The following TLN2 variants were observed in gnomAD, a reference collection of about 807,000 sequenced individuals.
The protein encoded by TLN2 is talin-2.
In TLN2, 118 loss-of-function variants were observed where a neutral mutation model predicts 294.7. That is an observed-to-expected ratio of 0.40 (90% CI 0.34 to 0.47). The LOEUF is 0.47. Ranked by LOEUF, TLN2 falls within the 20% of genes least tolerant of loss-of-function variation. The pLI is 0.84. For missense variants in TLN2, 3,083 were observed against 3,282.2 expected (o/e 0.94, Z 1.48); for synonymous variants, 1,431 against 1,304.5 (o/e 1.10, Z -2.09).
At chr15:62,406,652 TC>T (rs2033426681) in intron 1 of TLN2, among the ~76,000 whole-genome samples, 1 of 152,168 alleles carries the variant, frequency 6.6e-6, no homozygotes, top group Admixed American at 6.5e-5. Context: ...GGATGGTAAC[TC>T]CCAGGTGTTG....
chr15:62,456,090 C>G (rs1041328812), intron 1 of TLN2, among the ~76,000 whole-genome samples: 3 of 151,412 alleles, frequency 2.0e-5, no homozygotes, highest in African/African-American at 7.3e-5. Flanking sequence ...AAGAACCTTA[C>G]TGGATCAAGC....
intron 41 of TLN2, among the ~76,000 whole-genome samples, chr15:62,770,392 T>C (rs2063280870): frequency 6.6e-6 from 1 of 152,214 alleles, no homozygotes; most frequent in South Asian, 2.1e-4. Flanking sequence ...GAGGCAGTGG[T>C]TCCTGTCGGG....
intron 1 of TLN2, among the ~76,000 whole-genome samples, chr15:62,423,829 C>G (rs899653822): frequency 4.6e-5 from 7 of 152,230 alleles, no homozygotes; most frequent in African/African-American, 1.4e-4. Flanking sequence ...ATCCACACAT[C>G]TTGGCCTCCC....
At chr15:62,777,600 T>C (rs2063812053) in intron 43 of TLN2, among the ~76,000 whole-genome samples, 1 of 152,128 alleles carries the variant, frequency 6.6e-6, no homozygotes, top group African/African-American at 2.4e-5. Flanking sequence ...TGTGGAGCTT[T>C]AAGAATGTAG....
rs1596019612 is a variant in TLN2 at position 62,794,816 on chromosome 15, A to C, written c.5884-1311A>C. Among the ~76,000 whole-genome samples, 3 of 152,108 alleles carry C rather than the reference A, an allele frequency of 2.0e-5. No individual in the cohort carries two copies. The East Asian group carries it at 5.8e-4, about 29-fold the overall frequency. On this transcript the variant is annotated intron_variant, in intron 46 of 58. Transcript: ENST00000636159. ...AGCAGCACGGGGGACAGAGTGTCTCATACTCCATGCCTCTTGCTGGCACGG... is the reference window on the plus strand; with the variant it reads ...AGCAGCACGGGGGACAGAGTGTCTCCTACTCCATGCCTCTTGCTGGCACGG...
intron 1 of TLN2, among the ~76,000 whole-genome samples, chr15:62,426,384 G>A (rs984139387): frequency 6.6e-6 from 1 of 152,198 alleles, no homozygotes; most frequent in Non-Finnish European, 1.5e-5. Context: ...TGCCCTCCTG[G>A]GGCTGCGCCT....
intron 47 of TLN2, 146 bp from the exon 48 acceptor site, chr15:62,797,073 G>C (rs57355661): frequency 0.035 from 28,253 of 808,440 alleles, 841 homozygotes; most frequent in African/African-American, 0.12. Flanking sequence ...ATGAGAGTCC[G>C]TTGGTAAAGG....
intron 26 of TLN2, among the ~76,000 whole-genome samples, chr15:62,723,123 A>G (rs879807818): frequency 9.2e-5 from 14 of 152,238 alleles, no homozygotes; most frequent in Admixed American, 4.6e-4. Flanking sequence ...TCTTCATTGT[A>G]GCAATCCCTT....
At chr15:62,562,671 T>A (rs983072898) in intron 1 of TLN2, among the ~76,000 whole-genome samples, 3 of 151,962 alleles carry the variant, frequency 2.0e-5, no homozygotes, top group African/African-American at 7.3e-5. Context: ...GAACCCAATT[T>A]GTAGTCTTTT....
chr15:62,715,966 CTG>C (rs746103700), intron 22 of TLN2, among the ~76,000 whole-genome samples: 9 of 152,178 alleles, frequency 5.9e-5, no homozygotes, highest in Non-Finnish European at 1.2e-4. Context: ...TGTGTCATTA[CTG>C]TGTCATGCCA....
At chr15:62,395,212 G>C (rs368731063) in intron 1 of TLN2, among the ~76,000 whole-genome samples, 20 of 141,362 alleles carry the variant, frequency 1.4e-4, no homozygotes, top group African/African-American at 3.8e-4. Flanking sequence ...TGTGTATCTA[G>C]TAGCCAGGGC....
At chr15:62,593,058 A>C (rs1006908271) in intron 2 of TLN2, among the ~76,000 whole-genome samples, 1 of 152,204 alleles carries the variant, frequency 6.6e-6, no homozygotes, top group Non-Finnish European at 1.5e-5. Context: ...TCCCACTGCT[A>C]TTTAGGGAGA....
Position 62,696,630 on chromosome 15 carries a change from C to T in TLN2, c.1293-1058C>T, listed in dbSNP as rs890235849. Among the ~76,000 whole-genome samples, 10 of 152,194 alleles carry T rather than the reference C, an allele frequency of 6.6e-5. No homozygotes were observed. In the East Asian group the frequency reaches 1.3e-3, roughly 21 times the overall value. On this transcript the variant is annotated intron_variant, in intron 14 of 58. Coordinates refer to ENST00000636159, the MANE Select transcript of TLN2 (RefSeq NM_015059.3). Reference sequence around the variant, plus strand: ...GGCTGAGGCAGGAGAATCGCTTGAACCCAGGAGGCAGAGGTTGCAGTGAGC... The same window carrying T: ...GGCTGAGGCAGGAGAATCGCTTGAATCCAGGAGGCAGAGGTTGCAGTGAGC...
At chr15:62,804,559 T>C (rs928121419) in intron 50 of TLN2, among the ~76,000 whole-genome samples, 2 of 152,150 alleles carry the variant, frequency 1.3e-5, no homozygotes, top group Admixed American at 6.5e-5. Context: ...GTTGACTGAA[T>C]TTTATTCTGG....
chr15:62,743,587 C>G (rs946451014), intron 32 of TLN2, among the ~76,000 whole-genome samples: 15 of 152,168 alleles, frequency 9.9e-5, no homozygotes, highest in Non-Finnish European at 2.1e-4. Context: ...GGTTCTGGCT[C>G]TTTTCTGACA....
chr15:62,666,989 G>A (rs2054739729), intron 9 of TLN2, among the ~76,000 whole-genome samples: 1 of 152,120 alleles, frequency 6.6e-6, no homozygotes, highest in Non-Finnish European at 1.5e-5. Flanking sequence ...TTTTTGAGAT[G>A]GAGTCTCGCT....
At chr15:62,790,086 C>T (rs2064972119) in intron 45 of TLN2, among the ~76,000 whole-genome samples, 1 of 152,218 alleles carries the variant, frequency 6.6e-6, no homozygotes, top group Non-Finnish European at 1.5e-5. Context: ...CTCTCCTTTG[C>T]TTTCTTTATG....
At chr15:62,444,303 A>G (rs1049835921) in intron 1 of TLN2, among the ~76,000 whole-genome samples, 2 of 152,246 alleles carry the variant, frequency 1.3e-5, no homozygotes, top group East Asian at 3.9e-4. Flanking sequence ...GGAGGTGACA[A>G]ATCCCATGTG....
rs769963210 is a variant in TLN2, at chr15:62,650,145, G to A, written c.198G>A (p.Ala66=). ...EDPRKGIWLE[A]GRTLDYYMLR... is the part of the protein sequence containing the mutation. Reference sequence around the variant, plus strand: ...CGAGGAAAGGGATTTGGCTGGAAGCGGGCAGAACACTGGATTACTACATGT... The same window carrying A: ...CGAGGAAAGGGATTTGGCTGGAAGCAGGCAGAACACTGGATTACTACATGT... The change falls in exon 5 of 59, where the codon GCG becomes GCA. Residue 66 remains alanine, a synonymous_variant. Coordinates refer to ENST00000636159, the MANE Select transcript of TLN2 (RefSeq NM_015059.3). The A allele has an allele frequency of 2.9e-5, 47 of 1,614,006 alleles. No individual in the cohort carries two copies. Among genetic ancestry groups the A allele is most frequent in the African/African-American group, 1.5e-4 (11 of 74,904 alleles).
Sources: gnomAD v4.1 joint callset for allele counts (sites outside exome capture counted in the v4.1 genomes callset) on GRCh38, gnomAD v4.1.1 for gene constraint, MANE v1.5 for transcripts, NCBI Gene and HGNC (gene_info 2026-07-23, HGNC 2026-07-21) for gene names.